The following VTI1A variants were observed in gnomAD, a reference collection of about 807,000 sequenced individuals.
The protein encoded by VTI1A is vesicle transport through interaction with t-SNAREs 1A, also known as vesicle transport through interaction with t-SNAREs homolog 1A.
A neutral mutation model predicts 34.9 loss-of-function variants in VTI1A; 22 were observed. That is an observed-to-expected ratio of 0.63 (90% CI 0.45 to 0.90). The LOEUF (loss-of-function observed/expected upper bound fraction) is 0.90, where lower values mean the gene tolerates loss of function less well. Among genes scored for constraint, VTI1A ranks in the 40% least tolerant of loss-of-function variants. VTI1A has a pLI of 0.00. For missense variants in VTI1A, 268 were observed against 275.6 expected (o/e 0.97, Z 0.20); for synonymous variants, 87 against 97.3 (o/e 0.89, Z 0.62).
intron 3 of VTI1A, among the ~76,000 whole-genome samples, chr10:112,520,490 C>T (rs1003070296): frequency 2.0e-5 from 3 of 151,966 alleles, no homozygotes; most frequent in African/African-American, 7.2e-5. Flanking sequence ...TCTGGGATCT[C>T]TGTTTTGCAA....
intron 3 of VTI1A, among the ~76,000 whole-genome samples, chr10:112,490,840 G>A (rs543907384): frequency 1.4e-3 from 216 of 152,162 alleles, no homozygotes; most frequent in Non-Finnish European, 2.8e-3. Flanking sequence ...GCTGGCAGCC[G>A]GGACCTGGCT....
intron 7 of VTI1A, among the ~76,000 whole-genome samples, chr10:112,669,441 C>T (rs914603397): frequency 3.9e-5 from 6 of 152,024 alleles, no homozygotes; most frequent in South Asian, 2.1e-4. Context: ...GAAACATTTC[C>T]GTTTTATGTA....
At chr10:112,529,145 AGAGT>A (rs1328519445) in intron 4 of VTI1A, among the ~76,000 whole-genome samples, 1 of 152,156 alleles carries the variant, frequency 6.6e-6, no homozygotes, top group Non-Finnish European at 1.5e-5. Flanking sequence ...TTCAATAAAT[AGAGT>A]ATGATAAATT....
intron 5 of VTI1A, among the ~76,000 whole-genome samples, chr10:112,567,248 C>T (rs977746234): frequency 1.3e-5 from 2 of 152,094 alleles, no homozygotes; most frequent in South Asian, 2.1e-4. Context: ...CAGGCTGTCT[C>T]GAACTCCTGG....
At chr10:112,576,638 C>T (rs1448466555) in intron 5 of VTI1A, among the ~76,000 whole-genome samples, 1 of 151,822 alleles carries the variant, frequency 6.6e-6, no homozygotes, top group Non-Finnish European at 1.5e-5. Flanking sequence ...CTCCCATCAT[C>T]TATAATGGTA....
chr10:112,545,828 T>C (rs1197304009), intron 5 of VTI1A, among the ~76,000 whole-genome samples: 3 of 152,156 alleles, frequency 2.0e-5, no homozygotes, highest in African/African-American at 4.8e-5. Flanking sequence ...CGTGTGTGTG[T>C]GCGCACGCGT....
intron 5 of VTI1A, among the ~76,000 whole-genome samples, chr10:112,555,363 T>C (rs1192686038): frequency 6.6e-6 from 1 of 152,132 alleles, no homozygotes; most frequent in Non-Finnish European, 1.5e-5. Context: ...TGTTTCTCCT[T>C]ATTTAACTGC....
intron 5 of VTI1A, among the ~76,000 whole-genome samples, chr10:112,665,181 A>G (rs1590044594): frequency 1.3e-5 from 2 of 152,134 alleles, no homozygotes; most frequent in Non-Finnish European, 1.5e-5. Flanking sequence ...AAACCTAACG[A>G]TGTTTCTAAT....
At chr10:112,784,290 C>G (rs1852220267) in intron 7 of VTI1A, among the ~76,000 whole-genome samples, 1 of 152,106 alleles carries the variant, frequency 6.6e-6, no homozygotes, top group Non-Finnish European at 1.5e-5. Context: ...TAAAGTAATT[C>G]CTGTTTTGTG....
At chr10:112,736,581 A>G in intron 7 of VTI1A, 1 of 1,322,112 alleles carries the variant, frequency 7.6e-7, no homozygotes, top group South Asian at 1.5e-5. Flanking sequence ...AAAAGGCATG[A>G]CTCTGAAAGT....
intron 5 of VTI1A, among the ~76,000 whole-genome samples, chr10:112,638,823 T>A (rs1400454385): frequency 6.8e-6 from 1 of 147,244 alleles, no homozygotes; most frequent in Non-Finnish European, 1.5e-5. Flanking sequence ...AGGTTGGGCT[T>A]TTTTTTTTTT....
chr10:112,691,911 C>T (rs1352870612), intron 7 of VTI1A, among the ~76,000 whole-genome samples: 1 of 152,206 alleles, frequency 6.6e-6, no homozygotes, highest in Non-Finnish European at 1.5e-5. Context: ...ATTCTGATAA[C>T]CTTTCCATGC....
the VTI1A span, among the ~76,000 whole-genome samples, chr10:112,845,354 T>G: frequency 6.6e-6 from 1 of 152,226 alleles, no homozygotes; most frequent in African/African-American, 2.4e-5. Flanking sequence ...CCATTGGCTG[T>G]TCCAGGTTGG....
intron 5 of VTI1A, among the ~76,000 whole-genome samples, chr10:112,549,787 A>T (rs1397406443): frequency 6.6e-6 from 1 of 152,138 alleles, no homozygotes; most frequent in Non-Finnish European, 1.5e-5. Context: ...CAGTTGCAGG[A>T]TCATCATTTT....
At chr10:112,757,351 A>ATTTCTTTT (rs1851320967) in intron 7 of VTI1A, among the ~76,000 whole-genome samples, 1 of 40,672 alleles carries the variant, frequency 2.5e-5, no homozygotes, top group African/African-American at 1.0e-4. Flanking sequence ...TGTTGCTGTG[A>ATTTCTTTT]TTTTTTTTTT....
At chr10:112,796,688 G>A (rs987508481) in intron 7 of VTI1A, among the ~76,000 whole-genome samples, 2 of 152,208 alleles carry the variant, frequency 1.3e-5, no homozygotes, top group Admixed American at 6.5e-5. Context: ...AACCCTGGGA[G>A]GGAAAAGTTC....
chr10:112,705,144 C>T (rs1849152704), intron 7 of VTI1A, among the ~76,000 whole-genome samples: 1 of 151,958 alleles, frequency 6.6e-6, no homozygotes, highest in Non-Finnish European at 1.5e-5. Flanking sequence ...CTCAAGCAAT[C>T]CTCCTGCCTC....
At chr10:112,590,877 G>T (rs1007368409) in intron 5 of VTI1A, among the ~76,000 whole-genome samples, 3 of 152,074 alleles carry the variant, frequency 2.0e-5, no homozygotes, top group Non-Finnish European at 4.4e-5. Context: ...AAGGCGGGCA[G>T]ATTACTTGAG....
At chr10:112,685,519 G>A (rs765332713) in intron 7 of VTI1A, among the ~76,000 whole-genome samples, 14 of 151,796 alleles carry the variant, frequency 9.2e-5, no homozygotes, top group Non-Finnish European at 1.9e-4. Flanking sequence ...TTACCTTACC[G>A]TTTTCTGCCC....
Sources: allele counts gnomAD v4.1 joint callset (sites outside exome capture counted in the v4.1 genomes callset), GRCh38; gene constraint gnomAD v4.1.1; transcripts MANE v1.5; gene names NCBI Gene and HGNC (gene_info 2026-07-23, HGNC 2026-07-21).